EGF: variants seen among roughly 807,000 people sequenced by gnomAD.
EGF encodes pro-epidermal growth factor.
A neutral mutation model predicts 143.8 loss-of-function variants in EGF; 95 were observed. The observed-to-expected ratio is 0.66, with a 90% CI of 0.56 to 0.78. EGF has a LOEUF of 0.78. Ranked by LOEUF, EGF falls within the 30% of genes least tolerant of loss-of-function variation. EGF has a pLI of 0.00. For missense variants in EGF, 1,320 were observed against 1,470.9 expected (o/e 0.90, Z 1.68); for synonymous variants, 510 against 510.5 (o/e 1.00, Z 0.01).
chr4:109,934,524 T>C (rs1229209469), intron 1 of EGF, among the ~76,000 whole-genome samples: 1 of 152,240 alleles, frequency 6.6e-6, no homozygotes, highest in African/African-American at 2.4e-5. Context: ...CCGTTCACTC[T>C]GATGATAGTT....
At chr4:109,962,269 T>A (rs1258974488) in intron 8 of EGF, among the ~76,000 whole-genome samples, 1 of 152,250 alleles carries the variant, frequency 6.6e-6, no homozygotes, top group African/African-American at 2.4e-5. Flanking sequence ...GATTTTGGTC[T>A]AGATACTTGC....
intron 22 of EGF, 48 bp downstream of exon 22, chr4:110,004,670 C>T (rs772543637): frequency 5.2e-6 from 8 of 1,524,410 alleles, no homozygotes; most frequent in Non-Finnish European, 7.3e-6. Flanking sequence ...TGATATTAAC[C>T]CCTATTCATT....
chr4:109,954,204 AC>A (rs1242616460), intron 5 of EGF, among the ~76,000 whole-genome samples: 1 of 152,136 alleles, frequency 6.6e-6, no homozygotes, highest in Non-Finnish European at 1.5e-5. Flanking sequence ...GGCACATGCC[AC>A]CACACCTGGC....
intron 1 of EGF, among the ~76,000 whole-genome samples, chr4:109,916,602 G>A (rs1736700575): frequency 6.6e-6 from 1 of 152,004 alleles, no homozygotes; most frequent in Non-Finnish European, 1.5e-5. Flanking sequence ...GTCTCTTCTG[G>A]GAGTGGAATC....
In EGF at chr4:110,002,047, C is replaced by T. The variant is rs115406972; in HGVS notation, c.3173+2201C>T. 6,393 of 985,168 alleles carry T rather than the reference C, an allele frequency of 6.5e-3. 43 individuals carry two copies. Among genetic ancestry groups the T allele is most frequent in the Middle Eastern group, 0.038 (73 of 1,912 alleles). 61.0% of individuals were successfully genotyped at this position (985,168 alleles called of 1,614,324 possible). On this transcript the variant is annotated intron_variant, in intron 21 of 23. Transcript: ENST00000265171. ...GCCATGTCATACTCAACTGTACCAA[C>T]AAATACAGCTCTAACATTGAGTTTT...
intron 1 of EGF, among the ~76,000 whole-genome samples, chr4:109,914,371 G>A (rs547835017): frequency 6.6e-6 from 1 of 152,248 alleles, no homozygotes; most frequent in South Asian, 2.1e-4. Flanking sequence ...GGAAAACACA[G>A]TACAGTTTCC....
intron 20 of EGF, among the ~76,000 whole-genome samples, chr4:109,999,138 C>T (rs1391531622): frequency 1.3e-5 from 2 of 152,118 alleles, no homozygotes; most frequent in African/African-American, 4.8e-5. Flanking sequence ...TGGGTCTTCC[C>T]TTGCACTAGT....
chr4:109,992,848 C>CA (rs903205424), intron 18 of EGF, among the ~76,000 whole-genome samples: 60 of 149,518 alleles, frequency 4.0e-4, no homozygotes, highest in African/African-American at 1.4e-3. Context: ...ATCACAAGGA[C>CA]AAAAAACCAA....
chr4:109,928,495 G>C (rs774211806), intron 1 of EGF, among the ~76,000 whole-genome samples: 77 of 152,076 alleles, frequency 5.1e-4, no homozygotes, highest in Non-Finnish European at 8.4e-4. Context: ...CCAGACAGCA[G>C]GCTTCAGAGC....
chr4:109,926,579 G>C (rs546410527), intron 1 of EGF, among the ~76,000 whole-genome samples: 1 of 152,010 alleles, frequency 6.6e-6, no homozygotes, highest in African/African-American at 2.4e-5. Flanking sequence ...GGATGGTCTC[G>C]ATCTCCTGAC....
chr4:109,913,729 T>C (rs960319677), intron 1 of EGF, among the ~76,000 whole-genome samples: 4 of 152,216 alleles, frequency 2.6e-5, no homozygotes, highest in African/African-American at 9.6e-5. Context: ...GAACATTTCA[T>C]GGAAGCTTCA....
intron 22 of EGF, among the ~76,000 whole-genome samples, chr4:110,007,237 A>G (rs2126195806): frequency 6.6e-6 from 1 of 152,258 alleles, no homozygotes; most frequent in South Asian, 2.1e-4. Context: ...ACCTTTCTCA[A>G]AGGAAAATAT....
At chr4:109,945,527 A>G (rs973201966) in intron 5 of EGF, among the ~76,000 whole-genome samples, 1 of 152,190 alleles carries the variant, frequency 6.6e-6, no homozygotes, top group Non-Finnish European at 1.5e-5. Context: ...GCTTGAGGCC[A>G]GGAGTTTGAG....
At chr4:109,945,340 C>CA in intron 5 of EGF, 65 bp downstream of exon 5, 2 of 1,544,990 alleles carry the variant, frequency 1.3e-6, no homozygotes, top group Non-Finnish European at 8.9e-7. Context: ...CTGCTTGAGC[C>CA]AGACAATGAG....
chr4:109,936,594 G>A (rs533872676), intron 1 of EGF, among the ~76,000 whole-genome samples: 12 of 151,996 alleles, frequency 7.9e-5, no homozygotes, highest in Non-Finnish European at 1.6e-4. Flanking sequence ...TTTTGAATTT[G>A]TTTGCTCTTG....
At chr4:109,966,585 T>A (rs1181153117) in intron 10 of EGF, among the ~76,000 whole-genome samples, 4 of 152,164 alleles carry the variant, frequency 2.6e-5, no homozygotes, top group Admixed American at 2.6e-4. Flanking sequence ...GATTAAAAAG[T>A]CATTCTATTT....
At chr4:110,011,040 CAA>C (rs1396675873) in intron 23 of EGF, among the ~76,000 whole-genome samples, 160 bp from the exon 24 acceptor site, 1 of 128,598 alleles carries the variant, frequency 7.8e-6, no homozygotes, top group African/African-American at 2.8e-5. Flanking sequence ...AGATGCTTAT[CAA>C]AAAAAAAAAG....
chr4:109,951,410 A>G (rs1004070844), intron 5 of EGF, among the ~76,000 whole-genome samples: 3 of 152,074 alleles, frequency 2.0e-5, no homozygotes, highest in African/African-American at 7.2e-5. Flanking sequence ...TTGGCACTCT[A>G]TCTCCTAAAT....
chr4:109,977,490 T>C (rs1748678906), intron 13 of EGF: 1 of 151,812 alleles, frequency 6.6e-6, no homozygotes, highest in Non-Finnish European at 1.5e-5. Flanking sequence ...AAAACAAATA[T>C]GATATCTGCA....
Sources: gnomAD v4.1 joint callset for allele counts (sites outside exome capture counted in the v4.1 genomes callset) on GRCh38, gnomAD v4.1.1 for gene constraint, MANE v1.5 for transcripts, NCBI Gene and HGNC (gene_info 2026-07-23, HGNC 2026-07-21) for gene names.